COL23A1: variants seen among roughly 807,000 people sequenced by gnomAD.
COL23A1 encodes the protein collagen type XXIII alpha 1 chain, also known as collagen alpha-1(XXIII) chain.
Under a neutral mutation model 99.3 loss-of-function variants are expected in COL23A1, and 97 were observed. That is an observed-to-expected ratio of 0.98 (90% confidence interval 0.83 to 1.16). The LOEUF (loss-of-function observed/expected upper bound fraction) is 1.16, where lower values mean the gene tolerates loss of function less well. COL23A1 is among the 50% of genes most tolerant of loss of function. COL23A1 has a pLI of 0.00. For synonymous variants in COL23A1, 320 were observed against 308.2 expected (o/e 1.04, Z -0.40); for missense variants, 762 against 757.4 (o/e 1.01, Z -0.07).
chr5:178,328,290 G>A (rs531319930), intron 2 of COL23A1, among the ~76,000 whole-genome samples: 1 of 152,032 alleles, frequency 6.6e-6, no homozygotes, highest in African/African-American at 2.4e-5. Flanking sequence ...TCACCTCTGG[G>A]CCTCCCTTCC....
intron 2 of COL23A1, among the ~76,000 whole-genome samples, chr5:178,394,597 A>G (rs533819388): frequency 1.3e-4 from 20 of 152,324 alleles, no homozygotes; most frequent in Non-Finnish European, 8.8e-5. Flanking sequence ...TCTTTGGGTA[A>G]ACTGAAAATC....
At chr5:178,547,345 G>C (rs1432449308) in intron 2 of COL23A1, among the ~76,000 whole-genome samples, 2 of 151,912 alleles carry the variant, frequency 1.3e-5, no homozygotes, top group African/African-American at 2.4e-5. Context: ...GAGAACATGG[G>C]AAAGAACATG....
chr5:178,531,119 G>A lies in COL23A1; in HGVS notation c.361+29563C>T, dbSNP rs116511456. On this transcript the variant is annotated intron_variant, in intron 2 of 28. Transcript: ENST00000390654. ...CAACCTCAGGTAATCCACTTGCCTCGGCCTCTCGAAGTGGTGGGATTACAG... is the reference window on the plus strand; with the variant it reads ...CAACCTCAGGTAATCCACTTGCCTCAGCCTCTCGAAGTGGTGGGATTACAG... Among the ~76,000 whole-genome samples, 349 of 152,210 alleles carry A rather than the reference G, an allele frequency of 2.3e-3. 3 individuals are homozygous for A. Among genetic ancestry groups the A allele is most frequent in the Non-Finnish European group, 4.2e-3 (287 of 68,016 alleles).
rs545466988 is a variant in COL23A1, at chr5:178,304,283, C to T, written c.406+2592G>A. The stretch of plus-strand genomic sequence containing the variant: ...CAGAGCTTTGGGAGGCCAAGGCGGG[C>T]GGATCACTTGAGGCCAGGTGTTCAA... On this transcript the variant is annotated intron_variant, in intron 3 of 28. Transcript: ENST00000390654. 2.6e-4 allele frequency among the ~76,000 whole-genome samples: 40 copies of T among 152,132 alleles called. No homozygotes were observed. The South Asian group carries it at 7.7e-3, about 29-fold the overall frequency.
In COL23A1 at chr5:178,319,814, GA is replaced by G. The variant is rs569024624; in HGVS notation, c.362-12896del. On this transcript the variant is annotated intron_variant, in intron 2 of 28. Transcript: ENST00000390654. ...GGGGTTTCCCTGGGCTCTCAGTGCT[GA>G]AATCAGGTCAGTCTTAGGCAAACTG... is the stretch of plus-strand genomic sequence containing the variant. 5.9e-5 allele frequency among the ~76,000 whole-genome samples: 9 copies of G among 152,322 alleles called. No homozygotes were observed. In the South Asian group the frequency reaches 1.9e-3, roughly 32 times the overall value.
intron 2 of COL23A1, among the ~76,000 whole-genome samples, chr5:178,445,380 T>G (rs940246591): frequency 6.6e-6 from 1 of 152,206 alleles, no homozygotes; most frequent in Non-Finnish European, 1.5e-5. Flanking sequence ...ATAAGATATT[T>G]TAATATCAGA....
chr5:178,434,465 C>T lies in COL23A1; in HGVS notation c.361+126217G>A, dbSNP rs971923692. Among the ~76,000 whole-genome samples, 2 of 152,248 alleles carry T rather than the reference C, an allele frequency of 1.3e-5. No individual in the cohort carries two copies. Among genetic ancestry groups the T allele is most frequent in the African/African-American group, 4.8e-5 (2 of 41,462 alleles). On this transcript the variant is annotated intron_variant, in intron 2 of 28. Coordinates refer to ENST00000390654, the MANE Select transcript of COL23A1 (RefSeq NM_173465.4). The surrounding 1 kb of genome is among the most constrained non-coding windows in gnomAD (Gnocchi z 4.3). ...GCTGTGTGACAGGCATGGACTCTCACATGTCTGAACCTCACACCTCATCTG... is the reference window on the plus strand; with the variant it reads ...GCTGTGTGACAGGCATGGACTCTCATATGTCTGAACCTCACACCTCATCTG...
intron 1 of COL23A1, among the ~76,000 whole-genome samples, chr5:178,584,364 A>T (rs565978): frequency 0.31 from 46,446 of 150,988 alleles, 7,777 homozygotes; most frequent in Middle Eastern, 0.45. Context: ...ATACATATAA[A>T]TTTTTTTCTT....
intron 2 of COL23A1, among the ~76,000 whole-genome samples, chr5:178,540,428 C>T (rs1197501986): frequency 6.6e-6 from 1 of 152,104 alleles, no homozygotes; most frequent in Non-Finnish European, 1.5e-5. Context: ...AGTTCACACA[C>T]AAAAAATTAA....
At position 178,307,385 on chromosome 5, in the gene COL23A1, C is replaced by T. The variant is rs533735422; in HGVS notation, c.362-466G>A. Among the ~76,000 whole-genome samples the T allele has an allele frequency of 1.3e-5, 2 of 152,334 alleles. No individual in the cohort carries two copies. Among genetic ancestry groups the T allele is most frequent in the South Asian group, 2.1e-4 (1 of 4,834 alleles). ...AACACAACAAAGAGGCCATCACGGC[C>T]GCGCAGCGCCGAAATCCACTCATGA... On this transcript the variant is annotated intron_variant, in intron 2 of 28. Transcript: ENST00000390654. The surrounding 1 kb of genome is among the most constrained non-coding windows in gnomAD (Gnocchi z 4.2).
chr5:178,420,440 TTCCTCCTCCCCTCCCCACCTCTA>T (rs1388900166), intron 2 of COL23A1, among the ~76,000 whole-genome samples: 5 of 75,710 alleles, frequency 6.6e-5, no homozygotes, highest in Non-Finnish European at 9.9e-5. Flanking sequence ...CCCCCGCTCT[TTCCTCCTCCCCTCCCCACCTCTA>T]TCCTCCTCCC....
rs1041440078 is a variant in COL23A1, at chr5:178,428,488, C to T, written c.362-121569G>A. ...TTGTGACAAGGACTGAGTGAGTGTCCGGAGTGACTGCCAGCTGGGCCTGTG... is the reference window on the plus strand; with the variant it reads ...TTGTGACAAGGACTGAGTGAGTGTCTGGAGTGACTGCCAGCTGGGCCTGTG... On this transcript the variant is annotated intron_variant, in intron 2 of 28. Transcript: ENST00000390654. This position sits in a 1 kb window ranked among gnomAD's most constrained non-coding sequence, Gnocchi z 5.0. Among the ~76,000 whole-genome samples, 6 of 152,342 alleles carry T rather than the reference C, an allele frequency of 3.9e-5. No homozygotes were observed. The East Asian group carries it at 1.2e-3, about 29-fold the overall frequency.
At chr5:178,389,823 G>A (rs954549751) in intron 2 of COL23A1, among the ~76,000 whole-genome samples, 28 of 152,306 alleles carry the variant, frequency 1.8e-4, no homozygotes, top group Non-Finnish European at 3.5e-4. Context: ...GACTGCTTGC[G>A]TGACGGGTGG....
chr5:178,355,765 C>T (rs1286430782), intron 2 of COL23A1, among the ~76,000 whole-genome samples: 3 of 152,164 alleles, frequency 2.0e-5, no homozygotes, highest in Non-Finnish European at 4.4e-5. Flanking sequence ...GCTGGGAATA[C>T]AGGCTTGTTT....
intron 2 of COL23A1, among the ~76,000 whole-genome samples, chr5:178,553,611 G>C (rs989563436): frequency 3.3e-5 from 5 of 152,220 alleles, no homozygotes; most frequent in African/African-American, 1.2e-4. Context: ...ACAATGTCCA[G>C]GCAGTTTGAG....
rs1372911640 is a variant in COL23A1, at chr5:178,544,259, T to TAGTGC, written c.361+16418_361+16422dup. 2.6e-5 allele frequency among the ~76,000 whole-genome samples: 4 copies of TAGTGC among 151,906 alleles called. No homozygotes were observed. Among genetic ancestry groups the TAGTGC allele is most frequent in the Non-Finnish European group, 5.9e-5 (4 of 67,970 alleles). On this transcript the variant is annotated intron_variant, in intron 2 of 28. Coordinates refer to ENST00000390654, the MANE Select transcript of COL23A1 (RefSeq NM_173465.4). This position sits in a 1 kb window ranked among gnomAD's most constrained non-coding sequence, Gnocchi z 4.4. ...CCACCTCCCACTGAAGTAAAGGGAC[T>TAGTGC]AGTGCCCAGGGAACAGAGCTCGCCG...
chr5:178,257,397 C>T lies in COL23A1; in HGVS notation c.774+126G>A, dbSNP rs78701480. 2.0e-3 allele frequency: 2,284 copies of T among 1,133,508 alleles called. 35 individuals carry two copies. The African/African-American group carries it at 0.031, about 15-fold the overall frequency. The allele number at this position is 1,133,508 out of a possible 1,614,324, so 70.2% of individuals were successfully genotyped here. On this transcript the variant is annotated intron_variant, in intron 13 of 28. Coordinates refer to ENST00000390654, the MANE Select transcript of COL23A1 (RefSeq NM_173465.4). ...GCCGCGGCCTTCCTCTGCCTCTCTC[C>T]GGCCTGCGCTGGGCACTGGCCTAGG...
At chr5:178,288,278 T>G in intron 5 of COL23A1, 46 bp downstream of exon 5, 1 of 1,477,294 alleles carries the variant, frequency 6.8e-7, no homozygotes, top group Non-Finnish European at 9.5e-7. Flanking sequence ...GAATATTGGT[T>G]TAAGAGAAAA....
chr5:178,522,121 T>C (rs1168956792), intron 2 of COL23A1, among the ~76,000 whole-genome samples: 1 of 152,164 alleles, frequency 6.6e-6, no homozygotes, highest in Non-Finnish European at 1.5e-5. Flanking sequence ...AAGAACTTTG[T>C]GCCATATAAA....
Sources: gnomAD v4.1 joint callset for allele counts (sites outside exome capture counted in the v4.1 genomes callset) on GRCh38, gnomAD v4.1.1 for gene constraint, Gnocchi (gnomAD v3.1) non-coding constraint, MANE v1.5 for transcripts, NCBI Gene and HGNC (gene_info 2026-07-23, HGNC 2026-07-21) for gene names.